Variants in NUP210L observed in about 807,000 individuals in gnomAD.
NUP210L encodes nuclear pore membrane glycoprotein 210-like.
Under a neutral mutation model 208.5 loss-of-function variants are expected in NUP210L, and 74 were observed. The observed-to-expected ratio is 0.35, with a 90% CI of 0.29 to 0.43. The LOEUF is 0.43. Among genes scored for constraint, NUP210L ranks in the 20% least tolerant of loss-of-function variants. The pLI is 1.00. For synonymous variants in NUP210L, 780 were observed against 816.9 expected, an observed-to-expected ratio of 0.95 and a Z score of 0.77; for missense variants, 1,843 against 2,289.4, an observed-to-expected ratio of 0.81 and a Z score of 3.98.
intron 17 of NUP210L, among the ~76,000 whole-genome samples, chr1:154,063,632 A>G (rs978040237): frequency 1.3e-5 from 2 of 152,212 alleles, no homozygotes; most frequent in Non-Finnish European, 2.9e-5. Context: ...AACTGAGCCA[A>G]TTATAGTAAG....
At chr1:154,033,129 C>T (rs1273452507) in intron 27 of NUP210L, among the ~76,000 whole-genome samples, 2 of 152,008 alleles carry the variant, frequency 1.3e-5, no homozygotes, top group Non-Finnish European at 2.9e-5. Context: ...GTTTGAGCTG[C>T]TTATATAATA....
chr1:154,145,823 T>TATAC (rs573618261), intron 2 of NUP210L, among the ~76,000 whole-genome samples: 112 of 151,950 alleles, frequency 7.4e-4, no homozygotes, highest in African/African-American at 2.1e-3. Context: ...AGTTAGCATA[T>TATAC]ATACATATAT....
At chr1:154,054,708 G>A (rs1415789448) in intron 24 of NUP210L, 62 bp downstream of exon 24, 1 of 1,122,130 alleles carries the variant, frequency 8.9e-7, no homozygotes, top group Non-Finnish European at 1.4e-6. Context: ...GTGTGTGTGT[G>A]TGAGAGAGAG....
intron 10 of NUP210L, among the ~76,000 whole-genome samples, chr1:154,122,229 AT>A (rs1657649156): frequency 5.3e-5 from 8 of 151,992 alleles, no homozygotes; most frequent in Admixed American, 1.3e-4. Flanking sequence ...ACCAAATAAC[AT>A]GTGAATGGCT....
intron 35 of NUP210L, among the ~76,000 whole-genome samples, chr1:154,004,308 A>G (rs548294399): frequency 1.3e-5 from 2 of 151,780 alleles, no homozygotes; most frequent in Admixed American, 1.3e-4. Context: ...TGACCTCGTG[A>G]TCCACCTGCC....
chr1:154,069,977 C>T (rs1003883249), intron 17 of NUP210L, among the ~76,000 whole-genome samples: 3 of 152,144 alleles, frequency 2.0e-5, no homozygotes, highest in African/African-American at 7.2e-5. Context: ...CGCACGTTCT[C>T]TCTCAGAGGT....
In NUP210L at chr1:154,125,259, G is replaced by A. The variant is rs558223190; in HGVS notation, c.1326+1064C>T. Among the ~76,000 whole-genome samples, 486 of 152,126 alleles carry A rather than the reference G, an allele frequency of 3.2e-3. 2 individuals carry two copies. The highest frequency in any genetic ancestry group is 6.8e-3 in the Middle Eastern group (2 of 294). ...GAGGTCAGGAGTTCAAGGCCAGCCTGGCCAACATGGTGAAACCCTGTCTCT... is the reference window on the plus strand; with the variant it reads ...GAGGTCAGGAGTTCAAGGCCAGCCTAGCCAACATGGTGAAACCCTGTCTCT... On this transcript the variant is annotated intron_variant, in intron 10 of 39. Transcript: ENST00000368559.
intron 16 of NUP210L, among the ~76,000 whole-genome samples, chr1:154,071,122 G>C (rs1287092109): frequency 6.7e-6 from 1 of 149,884 alleles, no homozygotes; most frequent in Admixed American, 6.7e-5. Flanking sequence ...TTTGAGACAG[G>C]GTATCTCTCA....
Position 154,023,239 on chromosome 1 carries a change from C to CCTTGGGCTGTGTATAG in NUP210L, c.4165_4180dup (p.Gly1394AlafsTer26). On this transcript the variant is annotated frameshift_variant, in exon 31 of 40. Coordinates refer to ENST00000368559, the Ensembl canonical transcript of NUP210L. LOFTEE classifies it high-confidence loss of function. ...CAAGGGAAATGCTGACAGGGTCCTT[C>CCTTGGGCTGTGTATAG]CTTGGGCTGTGTATAGCTTGGGTTG... The CCTTGGGCTGTGTATAG allele has an allele frequency of 6.2e-7, 1 of 1,613,904 alleles. No homozygotes were observed. The highest frequency in any genetic ancestry group is 1.1e-5 in the South Asian group (1 of 91,020).
intron 16 of NUP210L, among the ~76,000 whole-genome samples, chr1:154,082,959 C>A (rs1461725461): frequency 1.3e-5 from 2 of 152,160 alleles, no homozygotes; most frequent in African/African-American, 2.4e-5. Context: ...TTCTTCATTC[C>A]TCCTGGTGGG....
chr1:154,143,321 A>G, intron 3 of NUP210L, 125 bp downstream of exon 3: 1 of 717,322 alleles, frequency 1.4e-6, no homozygotes, highest in Non-Finnish European at 2.3e-6. Flanking sequence ...TATGAGCTCC[A>G]AATGAGAAAA....
chr1:153,993,434 C>T (rs761417715), intron 38 of NUP210L, among the ~76,000 whole-genome samples: 8 of 151,870 alleles, frequency 5.3e-5, no homozygotes, highest in African/African-American at 9.7e-5. Flanking sequence ...GGCGTGTTGG[C>T]GGGTGCCTGT....
intron 10 of NUP210L, among the ~76,000 whole-genome samples, chr1:154,125,287 T>C (rs1045807969): frequency 2.0e-5 from 3 of 151,798 alleles, no homozygotes; most frequent in African/African-American, 7.3e-5. Flanking sequence ...CTGTCTCTAC[T>C]AAAAATACAA....
rs371223934 is a variant in NUP210L at position 154,118,818 on chromosome 1, C to A, written c.1327-10G>T. On this transcript the variant is annotated splice_polypyrimidine_tract_variant and intron_variant, in intron 10 of 39. Transcript: ENST00000368559. ...GCTGAATATCTTTATTCTATAAGAG[C>A]AGGAAAAAAGGAGCAAAATATATTT... 4 of 1,522,854 alleles carry A rather than the reference C, an allele frequency of 2.6e-6. No homozygotes were observed. Among genetic ancestry groups the A allele is most frequent in the Admixed American group, 1.8e-5 (1 of 55,444 alleles). The allele number at this position is 1,522,854 out of a possible 1,614,324, so 94.3% of individuals were successfully genotyped here.
At chr1:154,049,421 T>C (rs1653368584) in intron 25 of NUP210L, among the ~76,000 whole-genome samples, 1 of 152,154 alleles carries the variant, frequency 6.6e-6, no homozygotes, top group Non-Finnish European at 1.5e-5. Flanking sequence ...AGGAACCGCT[T>C]CAAACAGAAA....
rs771015799 is a variant in NUP210L, at chr1:154,025,610, T to C, written c.4054A>G (p.Thr1352Ala). Residue 1352 changes from threonine to alanine, a missense_variant, in exon 30 of 40, where the codon ACT (threonine) becomes GCT (alanine). Transcript: ENST00000368559. ...ATAGAAGTGACTTCCAATACAGCAG[T>C]ACCTGCAATGGAACCAGCTTTCAGG... 4.3e-6 allele frequency: 7 copies of C among 1,613,604 alleles called. No homozygotes were observed. The Admixed American group carries it at 8.3e-5, about 19-fold the overall frequency.
intron 10 of NUP210L, among the ~76,000 whole-genome samples, chr1:154,125,902 G>A (rs1015520054): frequency 2.0e-5 from 3 of 150,750 alleles, no homozygotes; most frequent in Non-Finnish European, 4.4e-5. Context: ...CAAGTAGCTG[G>A]AACTACAGGC....
chr1:153,994,828 A>G (rs1284491975), intron 38 of NUP210L, among the ~76,000 whole-genome samples: 1 of 151,404 alleles, frequency 6.6e-6, no homozygotes, highest in Non-Finnish European at 1.5e-5. Flanking sequence ...CCTGGCCAAG[A>G]TGGTGAAACC....
chr1:154,106,723 TCC>T (rs1332956667), intron 12 of NUP210L, among the ~76,000 whole-genome samples: 1 of 152,194 alleles, frequency 6.6e-6, no homozygotes, highest in Non-Finnish European at 1.5e-5. Flanking sequence ...TGCCTGGTAA[TCC>T]AGGGAATTCT....
Sources: gnomAD v4.1 joint callset for allele counts (sites outside exome capture counted in the v4.1 genomes callset) on GRCh38, gnomAD v4.1.1 for gene constraint, MANE v1.5 for transcripts, NCBI Gene and HGNC (gene_info 2026-07-23, HGNC 2026-07-21) for gene names.